Variants in OTUD7A observed in about 807,000 individuals in gnomAD.
OTUD7A encodes the protein OTU domain-containing protein 7A.
OTUD7A carries 12 observed loss-of-function variants against 65.7 expected under a neutral mutation model. The observed-to-expected ratio is 0.18, with a 90% confidence interval of 0.12 to 0.30. The LOEUF (loss-of-function observed/expected upper bound fraction) is 0.30. OTUD7A is among the 10% of genes least tolerant of loss of function. OTUD7A has a pLI of 1.00. For synonymous variants in OTUD7A, 641 were observed against 586.3 expected, an observed-to-expected ratio of 1.09 and a Z score of -1.35; for missense variants, 1,148 against 1,304.8, an observed-to-expected ratio of 0.88 and a Z score of 1.85.
At chr15:31,716,853 A>C (rs1383237902) in intron 1 of OTUD7A, among the ~76,000 whole-genome samples, 5 of 152,240 alleles carry the variant, frequency 3.3e-5, no homozygotes, top group African/African-American at 1.2e-4. Flanking sequence ...CGTGGGGATG[A>C]GCCACAAAGC....
intron 1 of OTUD7A, among the ~76,000 whole-genome samples, chr15:31,779,233 T>C (rs772694395): frequency 6.6e-6 from 1 of 152,162 alleles, no homozygotes. Context: ...ATTTCCTTTA[T>C]GGCACTATCA....
chr15:31,597,455 G>A, intron 3 of OTUD7A, among the ~76,000 whole-genome samples: 1 of 151,554 alleles, frequency 6.6e-6, no homozygotes, highest in East Asian at 1.9e-4. Flanking sequence ...ATGGTAGGAG[G>A]CAGAGCGTCA....
intron 1 of OTUD7A, among the ~76,000 whole-genome samples, chr15:31,819,299 T>C (rs1896623089): frequency 6.6e-6 from 1 of 152,118 alleles, no homozygotes; most frequent in Admixed American, 6.5e-5. Context: ...ACTAAGAATA[T>C]GACACTTTTG....
chr15:31,483,734 C>G lies in OTUD7A; in HGVS notation c.2362G>C (p.Asp788His). 1 of 1,111,442 alleles carries G rather than the reference C, an allele frequency of 9.0e-7. No homozygotes were observed. Among genetic ancestry groups the G allele is most frequent in the Non-Finnish European group, 1.1e-6 (1 of 913,448 alleles). The allele number at this position is 1,111,442 out of a possible 1,614,324, so 68.8% of individuals were successfully genotyped here. ...VIHVQASGAR[D>H]EACAPAVGAL... ...CCCACGGCCGGCGCGCACGCCTCGT[C>G]CCGCGCGCCCGACGCCTGCACGTGG... Residue 788 changes from aspartate to histidine, a missense_variant, in exon 13 of 13, where the codon GAC (aspartate) becomes CAC (histidine). Around this residue, in one of 6 missense-constraint regions of OTUD7A, gnomAD observed 842 missense variants for 769.5 expected, o/e 1.09. Transcript: ENST00000307050.
chr15:31,851,539 A>G (rs1897424887), intron 1 of OTUD7A, among the ~76,000 whole-genome samples: 1 of 152,240 alleles, frequency 6.6e-6, no homozygotes, highest in Admixed American at 6.5e-5. Flanking sequence ...GATATCACAC[A>G]TTCTGGTTGT....
intron 3 of OTUD7A, among the ~76,000 whole-genome samples, chr15:31,597,689 CT>C (rs780527754): frequency 3.8e-4 from 58 of 152,292 alleles, no homozygotes; most frequent in Non-Finnish European, 7.4e-4. Flanking sequence ...CTGTCCTCCC[CT>C]AGGTCCTCAG....
rs867126651 is a variant in OTUD7A, at chr15:31,589,305, T to G, written c.152-19108A>C. Among the ~76,000 whole-genome samples, 462 of 74,288 alleles carry G rather than the reference T, an allele frequency of 6.2e-3. 3 individuals carry two copies. Among genetic ancestry groups the G allele is most frequent in the African/African-American group, 0.051 (446 of 8,714 alleles). The allele number at this position is 74,288 out of a possible 152,430, so 48.7% of individuals were successfully genotyped here. On this transcript the variant is annotated intron_variant, in intron 3 of 12. Coordinates refer to ENST00000307050, the MANE Select transcript of OTUD7A (RefSeq NM_001382637.1). ...ATTTTCTCATTTTGTTTTTCTGGGT[T>G]TTTTTTTTTTTTGAGACAGGGTCTT...
At chr15:31,606,186 A>G (rs565765175) in intron 3 of OTUD7A, among the ~76,000 whole-genome samples, 2 of 152,336 alleles carry the variant, frequency 1.3e-5, no homozygotes, top group East Asian at 3.9e-4. Context: ...TATATTTCAC[A>G]TAAACAACTC....
At chr15:31,548,665 T>C (rs1447394952) in intron 5 of OTUD7A, among the ~76,000 whole-genome samples, 2 of 152,104 alleles carry the variant, frequency 1.3e-5, no homozygotes, top group Non-Finnish European at 2.9e-5. Flanking sequence ...ACCTAGCACA[T>C]AGGAGATCCC....
chr15:31,699,926 C>T (rs1430113194), intron 1 of OTUD7A, among the ~76,000 whole-genome samples: 14 of 152,134 alleles, frequency 9.2e-5, no homozygotes, highest in East Asian at 3.9e-4. Flanking sequence ...GAAAATTCCC[C>T]GTTGAACCGC....
At chr15:31,627,007 T>C (rs1246119372) in intron 3 of OTUD7A, among the ~76,000 whole-genome samples, 1 of 151,870 alleles carries the variant, frequency 6.6e-6, no homozygotes, top group South Asian at 2.1e-4. Flanking sequence ...ATCTTGCTAA[T>C]GGGGGGTCTC....
chr15:31,800,251 G>A (rs749856276), intron 1 of OTUD7A, among the ~76,000 whole-genome samples: 1 of 152,134 alleles, frequency 6.6e-6, no homozygotes, highest in Non-Finnish European at 1.5e-5. Flanking sequence ...GCCCAGGCTG[G>A]CCTCACCTAG....
chr15:31,494,556 A>G (rs942439690), intron 10 of OTUD7A, among the ~76,000 whole-genome samples: 4 of 152,260 alleles, frequency 2.6e-5, no homozygotes, highest in Non-Finnish European at 5.9e-5. Context: ...AGGAAACTGT[A>G]CTGCTGAAAA....
chr15:31,592,904 A>AAAAAATATAT (rs1416029921), intron 3 of OTUD7A, among the ~76,000 whole-genome samples: 5 of 59,386 alleles, frequency 8.4e-5, no homozygotes, highest in Admixed American at 3.1e-4. Flanking sequence ...AAAAAAAAAA[A>AAAAAATATAT]ATATATATAT....
At chr15:31,582,620 A>G (rs921753292) in intron 3 of OTUD7A, among the ~76,000 whole-genome samples, 6 of 151,858 alleles carry the variant, frequency 4.0e-5, no homozygotes, top group African/African-American at 1.5e-4. Flanking sequence ...ACTCTCATTT[A>G]TATAACCATC....
chr15:31,646,672 G>T (rs1891681112), intron 3 of OTUD7A, among the ~76,000 whole-genome samples: 1 of 151,964 alleles, frequency 6.6e-6, no homozygotes, highest in African/African-American at 2.4e-5. Context: ...TGTTGGTCAG[G>T]CTGGCCTCGA....
intron 1 of OTUD7A, among the ~76,000 whole-genome samples, chr15:31,847,003 T>C (rs1190428183): frequency 6.6e-6 from 1 of 152,188 alleles, no homozygotes; most frequent in Non-Finnish European, 1.5e-5. Context: ...TGTTGTTCCC[T>C]GCTAGGCAGG....
intron 1 of OTUD7A, among the ~76,000 whole-genome samples, chr15:31,825,243 G>A (rs976556973): frequency 2.0e-5 from 3 of 152,204 alleles, no homozygotes; most frequent in Non-Finnish European, 4.4e-5. Context: ...CTGAGACTGC[G>A]CAATTTACAA....
intron 1 of OTUD7A, chr15:31,767,722 T>C: frequency 1.4e-6 from 1 of 715,050 alleles, no homozygotes; most frequent in Admixed American, 2.1e-5. Context: ...TTTCATGTTT[T>C]ATTTTCTCGG....
Sources: allele counts gnomAD v4.1 joint callset (sites outside exome capture counted in the v4.1 genomes callset), GRCh38; gene constraint gnomAD v4.1.1; regional missense constraint gnomAD v4.1.1; transcripts MANE v1.5; gene names NCBI Gene and HGNC (gene_info 2026-07-23, HGNC 2026-07-21).